The following DPP10 variants were observed in gnomAD, a reference collection of about 807,000 sequenced individuals.
DPP10 encodes inactive dipeptidyl peptidase 10.
In DPP10, 33 loss-of-function variants were observed where a neutral mutation model predicts 120.9. The observed-to-expected ratio is 0.27, with a 90% confidence interval of 0.21 to 0.37. The LOEUF is 0.37. Ranked by LOEUF, DPP10 falls within the 10% of genes least tolerant of loss-of-function variation. The pLI is 1.00. For synonymous variants in DPP10, 337 were observed against 326.1 expected, an observed-to-expected ratio of 1.03 and a Z score of -0.36; for missense variants, 816 against 942.8, an observed-to-expected ratio of 0.87 and a Z score of 1.76.
intron 1 of DPP10, among the ~76,000 whole-genome samples, chr2:114,905,690 A>G (rs1186172390): frequency 6.6e-6 from 1 of 152,142 alleles, no homozygotes; most frequent in African/African-American, 2.4e-5. Context: ...CTGGGTAGGT[A>G]CCCAAAGGAA....
chr2:115,058,579 G>A (rs1573459467), intron 1 of DPP10, among the ~76,000 whole-genome samples: 1 of 151,852 alleles, frequency 6.6e-6, no homozygotes, highest in Non-Finnish European at 1.5e-5. Flanking sequence ...TTTGTATTTT[G>A]AGTACAGACG....
chr2:115,573,322 G>A (rs13015650), intron 5 of DPP10, among the ~76,000 whole-genome samples: 56,746 of 131,490 alleles, frequency 0.43, 14,656 homozygotes, highest in Non-Finnish European at 0.57. Flanking sequence ...TTGCTCTGTC[G>A]CCCAGGCTGG....
chr2:115,316,982 A>G lies in DPP10; in HGVS notation c.175+7629A>G, dbSNP rs577412371. 2.4e-3 allele frequency among the ~76,000 whole-genome samples: 358 copies of G among 152,246 alleles called. 1 individual carries two copies. Among genetic ancestry groups the G allele is most frequent in the African/African-American group, 7.9e-3 (327 of 41,570 alleles). ...AAAACAATTAGCCAGGTTTGTTGGC[A>G]CATGCTACTCAGGAGGCAGGAGGAT... On this transcript the variant is annotated intron_variant, in intron 2 of 25. Transcript: ENST00000410059.
At chr2:115,333,985 G>A (rs1438109709) in intron 2 of DPP10, among the ~76,000 whole-genome samples, 1 of 151,920 alleles carries the variant, frequency 6.6e-6, no homozygotes, top group Non-Finnish European at 1.5e-5. Context: ...CAAGAAATAT[G>A]GGACTATGTG....
chr2:114,928,994 G>T (rs1469230877), intron 1 of DPP10, among the ~76,000 whole-genome samples: 4 of 152,136 alleles, frequency 2.6e-5, no homozygotes. Context: ...GTGTCAGCTG[G>T]TCTGAGAAAT....
intron 21 of DPP10, among the ~76,000 whole-genome samples, chr2:115,820,556 T>C (rs1244767714): frequency 6.6e-6 from 1 of 152,106 alleles, no homozygotes; most frequent in Non-Finnish European, 1.5e-5. Flanking sequence ...TTGTACCCAG[T>C]GTGTAGTCTT....
At chr2:115,397,206 A>C (rs112050500) in intron 3 of DPP10, among the ~76,000 whole-genome samples, 2,482 of 152,298 alleles carry the variant, frequency 0.016, 58 homozygotes, top group African/African-American at 0.053. Context: ...TAAAAGAAAA[A>C]TATAAGTTAG....
At chr2:114,530,687 T>C (rs1685897255) in intron 1 of DPP10, among the ~76,000 whole-genome samples, 1 of 152,150 alleles carries the variant, frequency 6.6e-6, no homozygotes, top group South Asian at 2.1e-4. Flanking sequence ...ATTACTTTTA[T>C]ATAATGATTG....
At chr2:115,415,375 C>G (rs1047661161) in intron 3 of DPP10, among the ~76,000 whole-genome samples, 1 of 152,190 alleles carries the variant, frequency 6.6e-6, no homozygotes, top group South Asian at 2.1e-4. Flanking sequence ...GCTTCTGTAT[C>G]TATCACAAGT....
chr2:115,668,964 A>C (rs747247130), intron 5 of DPP10, among the ~76,000 whole-genome samples: 5 of 152,148 alleles, frequency 3.3e-5, no homozygotes, highest in Non-Finnish European at 5.9e-5. Context: ...ATCTGTGCCC[A>C]GAATGTATTT....
At chr2:115,015,251 C>T (rs1180291510) in intron 1 of DPP10, among the ~76,000 whole-genome samples, 1 of 152,092 alleles carries the variant, frequency 6.6e-6, no homozygotes, top group African/African-American at 2.4e-5. Flanking sequence ...TGACAAAAAC[C>T]ACATGATTAT....
chr2:115,456,805 C>T (rs1332803311), intron 3 of DPP10, among the ~76,000 whole-genome samples: 1 of 151,946 alleles, frequency 6.6e-6, no homozygotes, highest in Non-Finnish European at 1.5e-5. Context: ...ACACCGGGAC[C>T]TGTCAGTGGG....
At chr2:115,275,573 G>A (rs946397535) in intron 1 of DPP10, among the ~76,000 whole-genome samples, 5 of 151,946 alleles carry the variant, frequency 3.3e-5, no homozygotes, top group African/African-American at 7.3e-5. Context: ...CACGTTAGCC[G>A]CAAAGGCAAG....
At chr2:115,203,076 C>G (rs1243569539) in intron 1 of DPP10, among the ~76,000 whole-genome samples, 2 of 152,128 alleles carry the variant, frequency 1.3e-5, no homozygotes, top group African/African-American at 2.4e-5. Context: ...AGTCAGCTCT[C>G]TATGGTAACT....
chr2:114,994,552 T>G (rs1574653673), intron 1 of DPP10, among the ~76,000 whole-genome samples: 1 of 152,172 alleles, frequency 6.6e-6, no homozygotes, highest in African/African-American at 2.4e-5. Flanking sequence ...CCACCATGAC[T>G]GCAGGCCCTC....
chr2:115,351,723 A>G (rs1404595559), intron 3 of DPP10, among the ~76,000 whole-genome samples: 2 of 152,082 alleles, frequency 1.3e-5, no homozygotes, highest in Non-Finnish European at 1.5e-5. Flanking sequence ...ATAATTTCCT[A>G]CTAAAACTAA....
rs552276844 is a variant in DPP10 at position 115,247,343 on chromosome 2, A to C, written c.61-61896A>C. On this transcript the variant is annotated intron_variant, in intron 1 of 25. Transcript: ENST00000410059. Reference sequence around the variant, plus strand: ...TCATCCGTATACAGGTGGCAGTTACACTTGTGGGAGGGAATGTGATGCCCA... The same window carrying C: ...TCATCCGTATACAGGTGGCAGTTACCCTTGTGGGAGGGAATGTGATGCCCA... 5.9e-5 allele frequency among the ~76,000 whole-genome samples: 9 copies of C among 152,256 alleles called. 1 individual carries two copies. In the South Asian group the frequency reaches 1.9e-3, roughly 32 times the overall value.
chr2:114,971,125 C>T (rs1358742003), intron 1 of DPP10, among the ~76,000 whole-genome samples: 1 of 152,150 alleles, frequency 6.6e-6, no homozygotes, highest in Non-Finnish European at 1.5e-5. Context: ...TGTGACGCCT[C>T]ATGTTTTACT....
intron 1 of DPP10, among the ~76,000 whole-genome samples, chr2:115,049,077 G>C (rs188615404): frequency 1.3e-5 from 2 of 151,990 alleles, no homozygotes; most frequent in Non-Finnish European, 2.9e-5. Context: ...ATGGTTAAAA[G>C]AACAATTTTT....
Sources: allele counts gnomAD v4.1 joint callset (sites outside exome capture counted in the v4.1 genomes callset), GRCh38; gene constraint gnomAD v4.1.1; transcripts MANE v1.5; gene names NCBI Gene and HGNC (gene_info 2026-07-23, HGNC 2026-07-21).